ANGPT1: variants seen among roughly 807,000 people sequenced by gnomAD.
ANGPT1 encodes the protein angiopoietin-1.
ANGPT1 carries 17 observed loss-of-function variants against 62.2 expected under a neutral mutation model. The observed-to-expected ratio is 0.27, with a 90% CI of 0.19 to 0.41. ANGPT1 has a LOEUF of 0.41. Among genes scored for constraint, ANGPT1 ranks in the 10% least tolerant of loss-of-function variants. ANGPT1 has a pLI of 1.00. For missense variants in ANGPT1, 478 were observed against 594.9 expected, an observed-to-expected ratio of 0.80 and a Z score of 2.04; for synonymous variants, 199 against 198.9, an observed-to-expected ratio of 1.00 and a Z score of 0.00.
chr8:107,497,655 T>C lies in ANGPT1; in HGVS notation c.-97A>G. 7.9e-7 allele frequency: 1 copy of C among 1,267,914 alleles called. No homozygotes were observed. The highest frequency in any genetic ancestry group is 2.4e-4 in the Middle Eastern group (1 of 4,210). The allele number at this position is 1,267,914 out of a possible 1,614,324, so 78.5% of individuals were successfully genotyped here. A position where few individuals can be genotyped will look rare whatever the true frequency, so the allele number is the denominator to read the frequency against. ...CTTTATTTCAGGTAAAACTGCTTGT[T>C]TGTTTGACTCTTTCCCCCTCAAAGA... is the stretch of plus-strand genomic sequence containing the variant. On this transcript the variant is annotated 5_prime_UTR_variant, in exon 1 of 9. Coordinates refer to ENST00000517746, the MANE Select transcript of ANGPT1 (RefSeq NM_001146.5).
At chr8:107,305,745 G>C (rs1019311592) in intron 4 of ANGPT1, among the ~76,000 whole-genome samples, 2 of 151,940 alleles carry the variant, frequency 1.3e-5, no homozygotes, top group African/African-American at 4.8e-5. Flanking sequence ...TGGTATGTTT[G>C]AAAAATTGAG....
intron 1 of ANGPT1, among the ~76,000 whole-genome samples, chr8:107,428,621 G>GT (rs1256516014): frequency 6.8e-6 from 1 of 148,130 alleles, no homozygotes; most frequent in Non-Finnish European, 1.5e-5. Context: ...AGTGCTGGTA[G>GT]TTTTTTCATT....
chr8:107,346,455 T>C (rs569628404), intron 2 of ANGPT1, among the ~76,000 whole-genome samples: 3 of 152,308 alleles, frequency 2.0e-5, no homozygotes, highest in African/African-American at 7.2e-5. Context: ...AAGTACATCA[T>C]TGGCCCTAAT....
At chr8:107,481,450 C>T (rs912571663) in intron 1 of ANGPT1, among the ~76,000 whole-genome samples, 1 of 137,518 alleles carries the variant, frequency 7.3e-6, no homozygotes, top group Non-Finnish European at 1.5e-5. Flanking sequence ...AGGAGTATCA[C>T]TTGAACCTGG....
At chr8:107,476,543 A>C (rs1401864841) in intron 1 of ANGPT1, among the ~76,000 whole-genome samples, 1 of 152,134 alleles carries the variant, frequency 6.6e-6, no homozygotes, top group Non-Finnish European at 1.5e-5. Flanking sequence ...CATATGTAAC[A>C]AACCTGCACG....
intron 1 of ANGPT1, among the ~76,000 whole-genome samples, chr8:107,438,814 C>T (rs539556501): frequency 1.3e-4 from 20 of 151,874 alleles, no homozygotes; most frequent in African/African-American, 4.6e-4. Flanking sequence ...AATATTTTTA[C>T]CAGGGTTTAG....
At position 107,453,882 on chromosome 8, in the gene ANGPT1, C is replaced by T. The variant is rs181215615; in HGVS notation, c.297+43380G>A. ...ATTTAAAAAAAAAAAGATCTTGAAACGCCATTTATAGAGTCACCATAGTTT... is the reference window on the plus strand; with the variant it reads ...ATTTAAAAAAAAAAAGATCTTGAAATGCCATTTATAGAGTCACCATAGTTT... On this transcript the variant is annotated intron_variant, in intron 1 of 8. Transcript: ENST00000517746. Among the ~76,000 whole-genome samples the T allele has an allele frequency of 6.6e-5, 10 of 150,832 alleles. No individual in the cohort carries two copies. In the East Asian group the frequency reaches 1.8e-3, roughly 27 times the overall value.
intron 1 of ANGPT1, among the ~76,000 whole-genome samples, chr8:107,487,209 A>G (rs1450111631): frequency 6.6e-6 from 1 of 152,102 alleles, no homozygotes; most frequent in South Asian, 2.1e-4. Flanking sequence ...CATGGCCAGC[A>G]TGGGGAGGAT....
chr8:107,407,487 GA>G (rs1817173342), intron 1 of ANGPT1, among the ~76,000 whole-genome samples: 1 of 152,106 alleles, frequency 6.6e-6, no homozygotes, highest in Non-Finnish European at 1.5e-5. Flanking sequence ...AATGGGGATG[GA>G]AATGTTGTGC....
chr8:107,473,480 T>A (rs1812418729), intron 1 of ANGPT1, among the ~76,000 whole-genome samples: 1 of 152,016 alleles, frequency 6.6e-6, no homozygotes, highest in African/African-American at 2.4e-5. Flanking sequence ...ATATGAGACA[T>A]CTTGGTGAGC....
chr8:107,365,000 T>C (rs1418405229), intron 1 of ANGPT1, among the ~76,000 whole-genome samples: 1 of 152,100 alleles, frequency 6.6e-6, no homozygotes, highest in East Asian at 1.9e-4. Context: ...AACATTATAG[T>C]TAACACAACT....
intron 1 of ANGPT1, among the ~76,000 whole-genome samples, chr8:107,375,726 C>T (rs1173883451): frequency 2.6e-5 from 4 of 152,086 alleles, no homozygotes; most frequent in Non-Finnish European, 5.9e-5. Context: ...TGGAATGAAG[C>T]AGAGAGGAAA....
intron 1 of ANGPT1, among the ~76,000 whole-genome samples, chr8:107,464,433 A>G (rs1023153479): frequency 6.6e-6 from 1 of 152,100 alleles, no homozygotes; most frequent in African/African-American, 2.4e-5. Context: ...AAATCAGTAG[A>G]AAAAAAGTGT....
chr8:107,448,929 A>G (rs1199781726), intron 1 of ANGPT1, among the ~76,000 whole-genome samples: 1 of 152,084 alleles, frequency 6.6e-6, no homozygotes, highest in African/African-American at 2.4e-5. Context: ...TAATCAGCCT[A>G]TAAGTCTTCT....
intron 1 of ANGPT1, among the ~76,000 whole-genome samples, chr8:107,467,329 T>G (rs762651725): frequency 1.3e-5 from 2 of 151,632 alleles, no homozygotes; most frequent in African/African-American, 2.4e-5. Context: ...TATATATATA[T>G]ATATAAACTG....
intron 1 of ANGPT1, among the ~76,000 whole-genome samples, chr8:107,375,804 A>G (rs1816520064): frequency 6.6e-6 from 1 of 152,192 alleles, no homozygotes. Flanking sequence ...AGAAACACTG[A>G]GAAGCTGCCC....
Position 107,357,027 on chromosome 8 carries a change from T to G in ANGPT1, c.298-9930A>C, listed in dbSNP as rs1180609344. 2.6e-5 allele frequency among the ~76,000 whole-genome samples: 4 copies of G among 152,334 alleles called. No individual in the cohort carries two copies. The East Asian group carries it at 7.7e-4, about 29-fold the overall frequency. On this transcript the variant is annotated intron_variant, in intron 1 of 8. Transcript: ENST00000517746. The stretch of plus-strand genomic sequence containing the variant: ...ATTATGCTCTTGTACACACATATAT[T>G]TCCCTATTCCCAACCTACATGTGTC...
rs549471260 is a variant in ANGPT1, at chr8:107,265,513, G to A, written c.1206-1162C>T. On this transcript the variant is annotated intron_variant, in intron 7 of 8. Transcript: ENST00000517746. ...TTAGAGTAGCTAAACTGAAGTTGTC[G>A]TATCGACAGCTTGAAGCTCAAGGTG... 5.9e-5 allele frequency among the ~76,000 whole-genome samples: 9 copies of A among 152,266 alleles called. No homozygotes were observed. The South Asian group carries it at 8.3e-4, about 14-fold the overall frequency.
At chr8:107,479,343 T>C (rs1033055427) in intron 1 of ANGPT1, among the ~76,000 whole-genome samples, 1 of 152,152 alleles carries the variant, frequency 6.6e-6, no homozygotes, top group African/African-American at 2.4e-5. Flanking sequence ...GATTTGAAAA[T>C]AGCTATGTTC....
Sources: gnomAD v4.1 joint callset for allele counts (sites outside exome capture counted in the v4.1 genomes callset) on GRCh38, gnomAD v4.1.1 for gene constraint, MANE v1.5 for transcripts, NCBI Gene and HGNC (gene_info 2026-07-23, HGNC 2026-07-21) for gene names.